The following NBEA variants were observed in gnomAD, a reference collection of about 807,000 sequenced individuals.
The protein encoded by NBEA is lysosomal-trafficking regulator 2.
Under a neutral mutation model 343.4 loss-of-function variants are expected in NBEA, and 44 were observed. That is an observed-to-expected ratio of 0.13 (90% CI 0.10 to 0.16). NBEA has a LOEUF of 0.16. Ranked by LOEUF, NBEA falls within the 10% of genes least tolerant of loss-of-function variation. NBEA has a pLI of 1.00. For synonymous variants in NBEA, 1,175 were observed against 1,238.7 expected (o/e 0.95, Z 1.08); for missense variants, 2,555 against 3,631.3 (o/e 0.70, Z 7.62).
chr13:34,999,189 C>T (rs1331700301), intron 1 of NBEA, among the ~76,000 whole-genome samples: 2 of 151,864 alleles, frequency 1.3e-5, no homozygotes, highest in African/African-American at 2.4e-5. Flanking sequence ...TTTGGTCAGT[C>T]AATAAATATA....
At chr13:35,085,312 A>C (rs976001134) in intron 10 of NBEA, among the ~76,000 whole-genome samples, 1 of 152,122 alleles carries the variant, frequency 6.6e-6, no homozygotes, top group Non-Finnish European at 1.5e-5. Flanking sequence ...ATCCCTGATG[A>C]ACATCGATGC....
At chr13:35,498,890 G>T (rs2076783106) in intron 41 of NBEA, among the ~76,000 whole-genome samples, 1 of 151,950 alleles carries the variant, frequency 6.6e-6, no homozygotes, top group Admixed American at 6.6e-5. Flanking sequence ...TGATATTATT[G>T]ATGAGGTGTT....
chr13:35,625,086 A>C lies in NBEA; in HGVS notation c.7450-2995A>C, dbSNP rs560200462. ...TATGAATGAAAGTAGATGTAGATTAATTAAAGATCAAAATATGAAAAGTAA... is the reference window on the plus strand; with the variant it reads ...TATGAATGAAAGTAGATGTAGATTACTTAAAGATCAAAATATGAAAAGTAA... On this transcript the variant is annotated intron_variant, in intron 48 of 58. Transcript: ENST00000379939. Among the ~76,000 whole-genome samples the C allele has an allele frequency of 6.6e-4, 101 of 152,320 alleles. 1 individual carries two copies. Among genetic ancestry groups the C allele is most frequent in the African/African-American group, 2.3e-3 (94 of 41,598 alleles).
At chr13:35,614,977 C>G in intron 48 of NBEA, among the ~76,000 whole-genome samples, 1 of 151,926 alleles carries the variant, frequency 6.6e-6, no homozygotes, top group East Asian at 1.9e-4. Flanking sequence ...AGTGTGTATT[C>G]TGTGCCAGAT....
intron 1 of NBEA, among the ~76,000 whole-genome samples, chr13:35,038,439 GCC>G (rs1566194578): frequency 6.6e-6 from 1 of 152,002 alleles, no homozygotes; most frequent in Non-Finnish European, 1.5e-5. Flanking sequence ...AAGGGGTTTT[GCC>G]CCATAGCCAC....
At chr13:35,211,436 T>C (rs1470717164) in intron 33 of NBEA, among the ~76,000 whole-genome samples, 1 of 152,192 alleles carries the variant, frequency 6.6e-6, no homozygotes, top group Non-Finnish European at 1.5e-5. Flanking sequence ...TAGTGCATGT[T>C]ACTATTTCCG....
intron 49 of NBEA, among the ~76,000 whole-genome samples, chr13:35,644,045 G>A (rs1264089027): frequency 6.6e-6 from 1 of 152,200 alleles, no homozygotes; most frequent in Non-Finnish European, 1.5e-5. Flanking sequence ...TTCAAGATCA[G>A]AAAGATCTGT....
intron 34 of NBEA, chr13:35,251,655 G>A (rs1195362145): frequency 1.2e-6 from 1 of 840,134 alleles, no homozygotes; most frequent in African/African-American, 1.8e-5. Context: ...ATGAGCAGCA[G>A]AAAGAGGCGG....
intron 8 of NBEA, among the ~76,000 whole-genome samples, chr13:35,068,577 G>A (rs1566235439): frequency 6.6e-6 from 1 of 152,062 alleles, no homozygotes; most frequent in African/African-American, 2.4e-5. Flanking sequence ...TCAAAAAAAA[G>A]TATTATCAAT....
chr13:35,274,218 T>G (rs1370827520), intron 34 of NBEA, among the ~76,000 whole-genome samples: 1 of 152,066 alleles, frequency 6.6e-6, no homozygotes, highest in Non-Finnish European at 1.5e-5. Context: ...CATATGTAAA[T>G]CAATAAACAT....
At chr13:35,099,688 T>A (rs1252319374) in intron 11 of NBEA, among the ~76,000 whole-genome samples, 1 of 152,140 alleles carries the variant, frequency 6.6e-6, no homozygotes, top group Non-Finnish European at 1.5e-5. Flanking sequence ...TAAAGTAGTT[T>A]TTCTGATCTA....
At chr13:35,445,586 A>C (rs975905714) in intron 39 of NBEA, among the ~76,000 whole-genome samples, 1 of 151,766 alleles carries the variant, frequency 6.6e-6, no homozygotes, top group Admixed American at 6.6e-5. Context: ...TGTAAAGTAC[A>C]TGAAAAGTAA....
At chr13:35,478,748 C>CCTGCGCT (rs1449410099) in intron 41 of NBEA, among the ~76,000 whole-genome samples, 1 of 152,260 alleles carries the variant, frequency 6.6e-6, no homozygotes. Flanking sequence ...GCCCCTGCGC[C>CCTGCGCT]CTGCGCTCTC....
intron 1 of NBEA, among the ~76,000 whole-genome samples, chr13:35,010,711 A>G (rs2061455734): frequency 1.1e-5 from 1 of 94,366 alleles, no homozygotes; most frequent in Non-Finnish European, 2.3e-5. Flanking sequence ...ACAACATAGC[A>G]AGACTGGGTC....
intron 1 of NBEA, among the ~76,000 whole-genome samples, chr13:34,965,120 A>G (rs1441298554): frequency 1.3e-5 from 2 of 151,994 alleles, no homozygotes; most frequent in Admixed American, 6.6e-5. Context: ...CCTTTTGGTG[A>G]GGAGAAGCAG....
rs1213027855 is a variant in NBEA at position 35,144,424 on chromosome 13, A to G, written c.2445+2047A>G. 3.3e-5 allele frequency among the ~76,000 whole-genome samples: 5 copies of G among 151,946 alleles called. No homozygotes were observed. In the East Asian group the frequency reaches 9.7e-4, roughly 29 times the overall value. ...GAGTGTATAATGAGGTCCTAGGTGA[A>G]CCTCCATCAAATCCAGTGCCATACT... On this transcript the variant is annotated intron_variant, in intron 18 of 58. Coordinates refer to ENST00000379939, the MANE Select transcript of NBEA (RefSeq NM_001385012.1).
chr13:35,324,220 A>G (rs912547422), intron 36 of NBEA, among the ~76,000 whole-genome samples: 3 of 152,232 alleles, frequency 2.0e-5, no homozygotes, highest in Admixed American at 1.3e-4. Flanking sequence ...GATGAGCAGG[A>G]CAGATAGGAC....
At chr13:35,470,536 T>G (rs772130218) in intron 40 of NBEA, among the ~76,000 whole-genome samples, 22 of 152,216 alleles carry the variant, frequency 1.4e-4, no homozygotes, top group Non-Finnish European at 2.9e-4. Flanking sequence ...GAATGGAGAC[T>G]TTTTTGAGGT....
chr13:34,954,724 T>C (rs971191867), intron 1 of NBEA, among the ~76,000 whole-genome samples: 2 of 152,180 alleles, frequency 1.3e-5, no homozygotes, highest in Non-Finnish European at 2.9e-5. Context: ...TATCTTCTCA[T>C]ATACTTCAAA....
Sources: gnomAD v4.1 joint callset for allele counts (sites outside exome capture counted in the v4.1 genomes callset) on GRCh38, gnomAD v4.1.1 for gene constraint, MANE v1.5 for transcripts, NCBI Gene and HGNC (gene_info 2026-07-23, HGNC 2026-07-21) for gene names.